LSAMP: variants seen among roughly 807,000 people sequenced by gnomAD.
LSAMP encodes limbic system associated membrane protein, also known as limbic system-associated membrane protein.
LSAMP carries 7 observed loss-of-function variants against 38.6 expected under a neutral mutation model. The observed-to-expected ratio is 0.18, with a 90% CI of 0.10 to 0.34. The LOEUF (loss-of-function observed/expected upper bound fraction) is 0.34. Among genes scored for constraint, LSAMP ranks in the 10% least tolerant of loss-of-function variants. LSAMP has a pLI of 1.00. For synonymous variants in LSAMP, 154 were observed against 166.8 expected (o/e 0.92, Z 0.59); for missense variants, 313 against 420.0 (o/e 0.75, Z 2.23).
chr3:116,196,823 C>T (rs565180045), intron 1 of LSAMP, among the ~76,000 whole-genome samples: 3 of 152,132 alleles, frequency 2.0e-5, no homozygotes, highest in African/African-American at 7.2e-5. Context: ...TTTGGGTTAC[C>T]CTCCCACCAG....
At chr3:116,322,443 G>A (rs1346134908) in intron 1 of LSAMP, among the ~76,000 whole-genome samples, 1 of 152,106 alleles carries the variant, frequency 6.6e-6, no homozygotes, top group Non-Finnish European at 1.5e-5. Context: ...GGTTCTGTAA[G>A]CATGGTTATT....
chr3:116,409,109 T>C (rs2048937012), intron 1 of LSAMP, among the ~76,000 whole-genome samples: 1 of 152,036 alleles, frequency 6.6e-6, no homozygotes. Context: ...TGTAAAGCTC[T>C]CCAGATTTCT....
At chr3:116,102,768 T>TATC (rs1708376561) in intron 1 of LSAMP, among the ~76,000 whole-genome samples, 3 of 91,034 alleles carry the variant, frequency 3.3e-5, no homozygotes, top group African/African-American at 1.8e-4. Context: ...TTTAAAATTT[T>TATC]ATCTATCTAT....
At chr3:116,434,514 C>T (rs906976909) in intron 1 of LSAMP, among the ~76,000 whole-genome samples, 2 of 152,112 alleles carry the variant, frequency 1.3e-5, no homozygotes, top group African/African-American at 4.8e-5. Context: ...AGACTTAAGT[C>T]TTGAAGGAGG....
chr3:116,291,769 G>A (rs2047270636), intron 1 of LSAMP, among the ~76,000 whole-genome samples: 1 of 152,048 alleles, frequency 6.6e-6, no homozygotes, highest in Admixed American at 6.6e-5. Context: ...TTGAAACATT[G>A]GCAGTGACCC....
At chr3:116,126,196 C>T (rs557222626) in intron 1 of LSAMP, among the ~76,000 whole-genome samples, 1 of 152,290 alleles carries the variant, frequency 6.6e-6, no homozygotes, top group Admixed American at 6.5e-5. Context: ...ACATCTGGAC[C>T]TCACACTGAA....
intron 6 of LSAMP, chr3:115,841,518 T>C (rs573448659): frequency 5.1e-6 from 1 of 194,414 alleles, no homozygotes; most frequent in South Asian, 1.6e-4. Flanking sequence ...TTACATCACC[T>C]CTGCTTCTTA....
At chr3:116,062,456 C>T (rs936347314) in intron 2 of LSAMP, among the ~76,000 whole-genome samples, 3 of 152,066 alleles carry the variant, frequency 2.0e-5, no homozygotes, top group Non-Finnish European at 2.9e-5. Context: ...GCGGAGGTTG[C>T]GGTGAGCCGG....
At chr3:115,847,786 C>G (rs1935208287) in intron 4 of LSAMP, among the ~76,000 whole-genome samples, 1 of 152,188 alleles carries the variant, frequency 6.6e-6, no homozygotes, top group Non-Finnish European at 1.5e-5. Flanking sequence ...CCATGTGGAA[C>G]TGTGAGTCAA....
intron 1 of LSAMP, among the ~76,000 whole-genome samples, chr3:116,273,147 T>C (rs916657405): frequency 2.6e-5 from 4 of 152,122 alleles, no homozygotes; most frequent in African/African-American, 4.8e-5. Flanking sequence ...TGTGAGTTCA[T>C]GTGTGACCTA....
At chr3:116,187,103 C>T (rs1710637018) in intron 1 of LSAMP, among the ~76,000 whole-genome samples, 1 of 152,062 alleles carries the variant, frequency 6.6e-6, no homozygotes, top group South Asian at 2.1e-4. Context: ...TGTTTTCAAC[C>T]CCTTTATCCT....
At chr3:116,351,015 T>G (rs1374633640) in intron 1 of LSAMP, among the ~76,000 whole-genome samples, 14 of 152,048 alleles carry the variant, frequency 9.2e-5, no homozygotes, top group Admixed American at 9.2e-4. Context: ...GAGGGATGAC[T>G]ATACCCATTT....
chr3:115,961,884 T>A (rs1253976066), intron 3 of LSAMP, among the ~76,000 whole-genome samples: 1 of 152,194 alleles, frequency 6.6e-6, no homozygotes, highest in Non-Finnish European at 1.5e-5. Context: ...TCCTTTCAAA[T>A]ATACTCTCTT....
chr3:116,107,629 C>T (rs1386210415), intron 1 of LSAMP, among the ~76,000 whole-genome samples: 1 of 152,128 alleles, frequency 6.6e-6, no homozygotes, highest in Non-Finnish European at 1.5e-5. Context: ...AGATATGTAA[C>T]AGATGAGAAT....
intron 3 of LSAMP, among the ~76,000 whole-genome samples, chr3:115,920,082 C>A (rs1223570396): frequency 2.0e-5 from 3 of 152,132 alleles, no homozygotes; most frequent in Non-Finnish European, 4.4e-5. Context: ...TTTTCTTATC[C>A]TTTCAATGAA....
At position 115,820,060 on chromosome 3, in the gene LSAMP, T is replaced by C. The variant is rs1401465376; in HGVS notation, c.920-9646A>G. 2.7e-5 allele frequency among the ~76,000 whole-genome samples: 4 copies of C among 150,382 alleles called. 1 individual carries two copies. The highest frequency in any genetic ancestry group is 7.4e-5 in the African/African-American group (3 of 40,784). The stretch of plus-strand genomic sequence containing the variant: ...TTCCAGTGTCAGGCCAGGCATGAAA[T>C]AGTACTCTTTAAGAGGGGATTTTCT... On this transcript the variant is annotated intron_variant, in intron 6 of 6. Transcript: ENST00000490035.
intron 3 of LSAMP, among the ~76,000 whole-genome samples, chr3:115,918,001 C>T (rs1442155646): frequency 1.3e-5 from 2 of 152,158 alleles, no homozygotes; most frequent in African/African-American, 4.8e-5. Flanking sequence ...AGTTAAAGTT[C>T]CATGAGAAGC....
chr3:116,200,891 C>A (rs2045978934), intron 1 of LSAMP, among the ~76,000 whole-genome samples: 1 of 152,322 alleles, frequency 6.6e-6, no homozygotes, highest in African/African-American at 2.4e-5. Context: ...CTCCTGTCTG[C>A]AAAATTCATC....
chr3:116,201,646 T>G (rs531728432), intron 1 of LSAMP, among the ~76,000 whole-genome samples: 2 of 152,306 alleles, frequency 1.3e-5, no homozygotes, highest in South Asian at 4.1e-4. Flanking sequence ...ATCTACTTAC[T>G]CAGGCTCTTG....
Sources: gnomAD v4.1 joint callset for allele counts (sites outside exome capture counted in the v4.1 genomes callset) on GRCh38, gnomAD v4.1.1 for gene constraint, MANE v1.5 for transcripts, NCBI Gene and HGNC (gene_info 2026-07-23, HGNC 2026-07-21) for gene names.